The following WDPCP variants were observed in gnomAD, a reference collection of about 807,000 sequenced individuals.
The protein encoded by WDPCP is WD repeat containing planar cell polarity effector.
A neutral mutation model predicts 93.1 loss-of-function variants in WDPCP; 71 were observed. That is an observed-to-expected ratio of 0.76 (90% CI 0.63 to 0.93). The LOEUF (loss-of-function observed/expected upper bound fraction) is 0.93, where lower values mean the gene tolerates loss of function less well. Among genes scored for constraint, WDPCP ranks in the 40% least tolerant of loss-of-function variants. The pLI, the probability that WDPCP is intolerant of heterozygous loss-of-function variation, is 0.00. For synonymous variants in WDPCP, 315 were observed against 315.0 expected, an observed-to-expected ratio of 1.00 and a Z score of 0.00; for missense variants, 844 against 887.4, an observed-to-expected ratio of 0.95 and a Z score of 0.62.
At chr2:63,148,019 C>A (rs1195762829) in intron 17 of WDPCP, among the ~76,000 whole-genome samples, 1 of 148,074 alleles carries the variant, frequency 6.8e-6, no homozygotes. Context: ...ATAATTAAAC[C>A]AGAGTTATAA....
intron 1 of WDPCP, among the ~76,000 whole-genome samples, chr2:63,506,181 GGTGTACATTTAATATA>G (rs1183165191): frequency 1.3e-5 from 2 of 151,868 alleles, no homozygotes; most frequent in African/African-American, 4.8e-5. Context: ...TTATAATCAA[GGTGTACATTTAATATA>G]GTGTTGCTTT....
chr2:63,280,274 G>C (rs1026147743), intron 13 of WDPCP, among the ~76,000 whole-genome samples: 1 of 152,146 alleles, frequency 6.6e-6, no homozygotes, highest in Non-Finnish European at 1.5e-5. Context: ...GAGGTGAAAG[G>C]CACTTCTTAC....
chr2:63,184,068 A>T (rs1310516732), intron 14 of WDPCP, among the ~76,000 whole-genome samples: 4 of 152,100 alleles, frequency 2.6e-5, no homozygotes, highest in Non-Finnish European at 4.4e-5. Context: ...TTCATATTTT[A>T]AAAAACCCAT....
At chr2:63,755,109 A>G (rs1669942618) in intron 2 of WDPCP, among the ~76,000 whole-genome samples, 2 of 152,222 alleles carry the variant, frequency 1.3e-5, no homozygotes, top group African/African-American at 4.8e-5. Flanking sequence ...CCCTCAGGAA[A>G]GTAATCTAAG....
chr2:63,536,773 C>CTTTTTTTTTTTTTT (rs58661370), intron 1 of WDPCP, among the ~76,000 whole-genome samples: 8 of 93,606 alleles, frequency 8.5e-5, no homozygotes, highest in Admixed American at 2.9e-4. Flanking sequence ...ATTCTTCATG[C>CTTTTTTTTTTTTTT]TTTTTTTTTT....
chr2:63,305,756 C>T (rs1042856968), intron 13 of WDPCP, among the ~76,000 whole-genome samples: 17 of 151,874 alleles, frequency 1.1e-4, no homozygotes, highest in Admixed American at 5.2e-4. Flanking sequence ...CAAACTCCAC[C>T]GAGCTCAAGG....
chr2:63,492,819 T>C, intron 2 of WDPCP, 37 bp downstream of exon 2: 1 of 1,580,844 alleles, frequency 6.3e-7, no homozygotes, highest in Non-Finnish European at 8.7e-7. Context: ...GTGTAACATA[T>C]TTGAAAAATA....
intron 2 of WDPCP, among the ~76,000 whole-genome samples, chr2:63,760,217 A>G (rs1670035502): frequency 1.3e-5 from 2 of 152,128 alleles, no homozygotes; most frequent in Admixed American, 6.5e-5. Context: ...CCAAGCATAA[A>G]GCCCCCTTCT....
At chr2:63,408,268 C>A (rs1488509379) in intron 9 of WDPCP, among the ~76,000 whole-genome samples, 1 of 152,158 alleles carries the variant, frequency 6.6e-6, no homozygotes, top group African/African-American at 2.4e-5. Flanking sequence ...AGTGCCCCAA[C>A]TGCGGAGTGG....
intron 1 of WDPCP, among the ~76,000 whole-genome samples, chr2:63,575,368 CAGTATAT>C (rs1558831260): frequency 8.0e-5 from 10 of 125,000 alleles, no homozygotes; most frequent in Admixed American, 1.6e-4. Context: ...ACAGTATATA[CAGTATAT>C]ACAGTATATA....
At chr2:63,334,072 G>A (rs182828334) in intron 12 of WDPCP, among the ~76,000 whole-genome samples, 1 of 152,274 alleles carries the variant, frequency 6.6e-6, no homozygotes, top group African/African-American at 2.4e-5. Flanking sequence ...TTGGAATTCT[G>A]GGAGGGGTAC....
rs974970577 is a variant in WDPCP at position 63,148,613 on chromosome 2, G to T, written c.2190+4301C>A. On this transcript the variant is annotated intron_variant, in intron 17 of 17. Transcript: ENST00000272321. ...ACGTGATCCACCCACTACCCAAAGT[G>T]CTGGGATTACAGGTGTGAACCACTA... 4.7e-4 allele frequency among the ~76,000 whole-genome samples: 71 copies of T among 151,486 alleles called. 5 individuals are homozygous for T. The highest frequency in any genetic ancestry group is 1.3e-4 in the Admixed American group (2 of 15,208).
intron 3 of WDPCP, among the ~76,000 whole-genome samples, chr2:63,648,337 T>G (rs373117068): frequency 6.6e-6 from 1 of 152,218 alleles, no homozygotes. Flanking sequence ...ATGAAAATAC[T>G]GGCCAAATCT....
At chr2:63,301,158 T>G (rs1209753551) in intron 13 of WDPCP, among the ~76,000 whole-genome samples, 1 of 152,200 alleles carries the variant, frequency 6.6e-6, no homozygotes, top group Non-Finnish European at 1.5e-5. Flanking sequence ...GCCTCTCAAT[T>G]ATCTTCCCTT....
intron 17 of WDPCP, among the ~76,000 whole-genome samples, chr2:63,137,145 C>T (rs2103647576): frequency 1.3e-5 from 2 of 152,334 alleles, no homozygotes; most frequent in African/African-American, 4.8e-5. Flanking sequence ...CTCTCTTCCA[C>T]AGTGGTTGAA....
chr2:63,369,710 A>G (rs1159062256), intron 12 of WDPCP, among the ~76,000 whole-genome samples: 1 of 152,196 alleles, frequency 6.6e-6, no homozygotes, highest in African/African-American at 2.4e-5. Flanking sequence ...TATTTCTCTC[A>G]CAACAGAAAA....
chr2:63,830,914 T>A (rs182185042), upstream of WDPCP, among the ~76,000 whole-genome samples: 103 of 152,296 alleles, frequency 6.8e-4, no homozygotes, highest in African/African-American at 2.4e-3. Flanking sequence ...CAGGCTAGAT[T>A]TTTTTTCTGA....
At chr2:63,698,725 C>T (rs552321244) in intron 2 of WDPCP, among the ~76,000 whole-genome samples, 1 of 152,144 alleles carries the variant, frequency 6.6e-6, no homozygotes, top group East Asian at 1.9e-4. Context: ...CTCGTGGCCA[C>T]AGAAGTTTAC....
At chr2:63,285,472 A>AGAT (rs1198266779) in intron 13 of WDPCP, among the ~76,000 whole-genome samples, 3 of 151,718 alleles carry the variant, frequency 2.0e-5, no homozygotes, top group Admixed American at 1.3e-4. Context: ...AAAACCCCAG[A>AGAT]GATTATTGTA....
Sources: allele counts gnomAD v4.1 joint callset (sites outside exome capture counted in the v4.1 genomes callset), GRCh38; gene constraint gnomAD v4.1.1; transcripts MANE v1.5; gene names NCBI Gene and HGNC (gene_info 2026-07-23, HGNC 2026-07-21).